Variants in TRMT11 observed in about 807,000 individuals in gnomAD.
TRMT11 encodes tRNA (guanine(10)-N(2))-methyltransferase TRMT11.
In TRMT11, 53 loss-of-function variants were observed where a neutral mutation model predicts 62.8. The observed-to-expected ratio is 0.84, with a 90% CI of 0.68 to 1.06. The LOEUF (loss-of-function observed/expected upper bound fraction) is 1.06, where lower values mean the gene tolerates loss of function less well. Ranked by LOEUF, TRMT11 falls within the 50% of genes least tolerant of loss-of-function variation. The probability of loss-of-function intolerance (pLI) is 0.00; values close to 1 mark genes in which losing one functional copy is unlikely to be tolerated. For missense variants in TRMT11, 556 were observed against 553.4 expected (o/e 1.00, Z -0.05); for synonymous variants, 188 against 190.3 (o/e 0.99, Z 0.10).
chr6:126,213,419 CT>C, the TRMT11 span, among the ~76,000 whole-genome samples: 1 of 151,810 alleles, frequency 6.6e-6, no homozygotes, highest in Admixed American at 6.6e-5. Context: ...AATATCTTTC[CT>C]TTTTTTGGTG....
At chr6:126,243,103 C>T in the TRMT11 span, among the ~76,000 whole-genome samples, 1 of 152,090 alleles carries the variant, frequency 6.6e-6, no homozygotes, top group Non-Finnish European at 1.5e-5. Flanking sequence ...AATCAAACGA[C>T]CCCATCAAAA....
the TRMT11 span, among the ~76,000 whole-genome samples, chr6:126,219,104 C>T: frequency 7.2e-5 from 11 of 152,100 alleles, no homozygotes; most frequent in Non-Finnish European, 1.6e-4. Context: ...TGGCAATTCA[C>T]GACTGTCATT....
chr6:126,144,161 A>G (rs760677077), intron 21 of TRMT11, among the ~76,000 whole-genome samples: 2 of 152,012 alleles, frequency 1.3e-5, no homozygotes, highest in African/African-American at 2.4e-5. Flanking sequence ...TGCTTGGCCA[A>G]TTGTTCCGTT....
chr6:126,013,018 G>A lies in TRMT11; in HGVS notation c.1056G>A (p.Met352Ile), dbSNP rs372160895. The A allele has an allele frequency of 1.2e-6, 2 of 1,613,786 alleles. No individual in the cohort carries two copies. The highest frequency in any genetic ancestry group is 1.7e-6 in the Non-Finnish European group (2 of 1,179,836). The change falls in exon 11 of 13, where the codon ATG (methionine) becomes ATA (isoleucine). Residue 352 changes from methionine to isoleucine, a missense_variant. Physicochemically the swap from Met to Ile is conservative, Grantham distance 10. Transcript: ENST00000334379. ...PVSLSYHLSD[M>I]FLDLLNFAAE... is the part of the protein sequence containing the mutation. ...CCTTGAGTTATCATCTGAGTGATAT[G>A]TTTCTTGACCTGTTAAACTTCGCAG... is the stretch of plus-strand genomic sequence containing the variant.
At chr6:126,193,621 T>G (rs1248593642) in intron 1 of TRMT11, among the ~76,000 whole-genome samples, 1 of 150,124 alleles carries the variant, frequency 6.7e-6, no homozygotes, top group Admixed American at 6.7e-5. Context: ...GCCTCCCGAG[T>G]AGCTGGGACC....
At chr6:126,093,581 G>GTATATA (rs1562321267) in intron 17 of TRMT11, among the ~76,000 whole-genome samples, 7 of 37,068 alleles carry the variant, frequency 1.9e-4, no homozygotes, top group Middle Eastern at 0.02. Context: ...AACAGGATAT[G>GTATATA]TATGTATATA....
Position 126,013,088 on chromosome 6 carries a change from G to A in TRMT11, c.1126G>A (p.Val376Met). 1 of 1,613,238 alleles carries A rather than the reference G, an allele frequency of 6.2e-7. No homozygotes were observed. ...LGGRLVYWLP[V>M]YTPEYTEEMV... Reference sequence around the variant, plus strand: ...TGGAAGACTAGTCTATTGGTTACCGGTGTATACGCCAGAGTATGTAATCTT... The same window carrying A: ...TGGAAGACTAGTCTATTGGTTACCGATGTATACGCCAGAGTATGTAATCTT... The change falls in exon 11 of 13, where the codon GTG (valine) becomes ATG (methionine). Residue 376 changes from valine to methionine, a missense_variant. Coordinates refer to ENST00000334379, the MANE Select transcript of TRMT11 (RefSeq NM_001031712.3).
At chr6:126,162,958 G>T (rs753869279) in intron 21 of TRMT11, among the ~76,000 whole-genome samples, 5 of 152,158 alleles carry the variant, frequency 3.3e-5, no homozygotes, top group Non-Finnish European at 7.4e-5. Flanking sequence ...GAGATTTTGG[G>T]CTGAGATGAT....
At chr6:126,112,694 G>A (rs1275909252) in intron 17 of TRMT11, among the ~76,000 whole-genome samples, 1 of 152,070 alleles carries the variant, frequency 6.6e-6, no homozygotes, top group Non-Finnish European at 1.5e-5. Flanking sequence ...AGCTAACTCT[G>A]TCTAGATCCT....
intron 21 of TRMT11, among the ~76,000 whole-genome samples, chr6:126,127,929 C>G (rs1470445645): frequency 6.6e-6 from 1 of 151,978 alleles, no homozygotes; most frequent in Non-Finnish European, 1.5e-5. Flanking sequence ...TCCCTCTATC[C>G]TGGGATTCTA....
chr6:126,010,815 A>G (rs2128815751), intron 8 of TRMT11, among the ~76,000 whole-genome samples: 1 of 152,202 alleles, frequency 6.6e-6, no homozygotes, highest in East Asian at 1.9e-4. Flanking sequence ...AACTTTCATT[A>G]GCAATGTCTC....
chr6:126,065,419 C>A (rs1487756833), intron 17 of TRMT11, among the ~76,000 whole-genome samples: 1 of 152,058 alleles, frequency 6.6e-6, no homozygotes, highest in Non-Finnish European at 1.5e-5. Flanking sequence ...GTGTTTCACT[C>A]ACTGGTAGTG....
At chr6:126,239,225 T>A in the TRMT11 span, among the ~76,000 whole-genome samples, 1 of 152,214 alleles carries the variant, frequency 6.6e-6, no homozygotes, top group Non-Finnish European at 1.5e-5. Context: ...TTAATATTGT[T>A]ATGTGTGAAT....
chr6:126,178,672 C>G (rs1204225551), intron 1 of TRMT11, among the ~76,000 whole-genome samples: 1 of 152,122 alleles, frequency 6.6e-6, no homozygotes, highest in African/African-American at 2.4e-5. Flanking sequence ...CTTAGGGTCA[C>G]CATGTAGAAA....
chr6:126,143,186 A>C (rs902546980), intron 21 of TRMT11, among the ~76,000 whole-genome samples: 1 of 152,120 alleles, frequency 6.6e-6, no homozygotes, highest in Admixed American at 6.6e-5. Flanking sequence ...GACTCCAAAA[A>C]ATAATTTTTT....
intron 1 of TRMT11, among the ~76,000 whole-genome samples, chr6:126,185,149 C>A (rs113700870): frequency 1.5e-3 from 228 of 152,150 alleles, no homozygotes; most frequent in African/African-American, 5.2e-3. Flanking sequence ...TATTTGCAGG[C>A]AATCCCCTGG....
At chr6:126,179,588 A>T (rs1207890873) in intron 1 of TRMT11, among the ~76,000 whole-genome samples, 1 of 152,116 alleles carries the variant, frequency 6.6e-6, no homozygotes, top group East Asian at 1.9e-4. Context: ...TTCCCCAAAG[A>T]TTAACTTGTC....
At chr6:126,244,744 A>G in the TRMT11 span, among the ~76,000 whole-genome samples, 7 of 152,310 alleles carry the variant, frequency 4.6e-5, no homozygotes, top group South Asian at 1.0e-3. Context: ...ATCCTACTCC[A>G]TACAGGAACT....
At chr6:126,239,732 C>T in the TRMT11 span, among the ~76,000 whole-genome samples, 1 of 152,110 alleles carries the variant, frequency 6.6e-6, no homozygotes, top group African/African-American at 2.4e-5. Flanking sequence ...TTCTCTGTAT[C>T]TCCTGAATCT....
Sources: gnomAD v4.1 joint callset for allele counts (sites outside exome capture counted in the v4.1 genomes callset) on GRCh38, gnomAD v4.1.1 for gene constraint, MANE v1.5 for transcripts, NCBI Gene and HGNC (gene_info 2026-07-23, HGNC 2026-07-21) for gene names.